Variants in CNTNAP4 observed in about 807,000 individuals in gnomAD.
CNTNAP4 encodes the protein contactin-associated protein-like 4.
CNTNAP4 carries 98 observed loss-of-function variants against 148.4 expected under a neutral mutation model. The observed-to-expected ratio is 0.66, with a 90% CI of 0.56 to 0.78. The LOEUF (loss-of-function observed/expected upper bound fraction) is 0.78, where lower values mean the gene tolerates loss of function less well. Among genes scored for constraint, CNTNAP4 ranks in the 30% least tolerant of loss-of-function variants. The pLI, the probability that CNTNAP4 is intolerant of heterozygous loss-of-function variation, is 0.00. For synonymous variants in CNTNAP4, 730 were observed against 565.1 expected, an observed-to-expected ratio of 1.29 and a Z score of -4.14; for missense variants, 1,935 against 1,565.6, an observed-to-expected ratio of 1.24 and a Z score of -3.98.
chr16:76,382,219 A>G (rs1403995079), intron 3 of CNTNAP4, among the ~76,000 whole-genome samples: 4 of 152,120 alleles, frequency 2.6e-5, no homozygotes, highest in African/African-American at 9.6e-5. Flanking sequence ...ATTGTATACA[A>G]AATTAAATAT....
intron 3 of CNTNAP4, among the ~76,000 whole-genome samples, chr16:76,418,728 GGT>G (rs1491368441): frequency 7.2e-5 from 4 of 55,858 alleles, no homozygotes; most frequent in Admixed American, 3.7e-4. Flanking sequence ...CAGAGTGTGG[GGT>G]TTTTTTTTTT....
At position 76,506,461 on chromosome 16, in the gene CNTNAP4, G is replaced by T. The variant is rs1480326231; in HGVS notation, c.2365+7767G>T. On this transcript the variant is annotated intron_variant, in intron 15 of 23. Coordinates refer to ENST00000611870, the MANE Select transcript of CNTNAP4 (RefSeq NM_033401.5). ...CCCTTCCCTTCTTCCCTCCCCTTCCGCTTCTCTTCCGTTCCTTTTTTTTTT... is the reference window on the plus strand; with the variant it reads ...CCCTTCCCTTCTTCCCTCCCCTTCCTCTTCTCTTCCGTTCCTTTTTTTTTT... Among the ~76,000 whole-genome samples, 11 of 47,848 alleles carry T rather than the reference G, an allele frequency of 2.3e-4. 3 individuals are homozygous for T. The highest frequency in any genetic ancestry group is 4.4e-4 in the Non-Finnish European group (7 of 16,082). 31.4% of individuals were successfully genotyped at this position (47,848 alleles called of 152,430 possible).
At chr16:76,527,219 T>C (rs1175624579) in intron 17 of CNTNAP4, among the ~76,000 whole-genome samples, 2 of 152,128 alleles carry the variant, frequency 1.3e-5, no homozygotes, top group Admixed American at 6.6e-5. Flanking sequence ...TGGGCTTCTT[T>C]GTTTATAGAT....
In CNTNAP4 at chr16:76,362,796, G is replaced by A. The variant is rs191488831; in HGVS notation, c.390+7285G>A. On this transcript the variant is annotated intron_variant, in intron 3 of 23. Transcript: ENST00000611870. ...GTGAGGATCAAAAAACTACCTGTGA[G>A]GTACTATGCTTATTACCTAGGTCAC... 1.4e-3 allele frequency among the ~76,000 whole-genome samples: 214 copies of A among 152,248 alleles called. 1 individual carries two copies. The highest frequency in any genetic ancestry group is 5.0e-3 in the African/African-American group (207 of 41,528).
intron 21 of CNTNAP4, among the ~76,000 whole-genome samples, chr16:76,548,674 A>G (rs1441780268): frequency 1.3e-5 from 2 of 151,996 alleles, no homozygotes; most frequent in African/African-American, 4.8e-5. Flanking sequence ...ACACCCAGAA[A>G]TCCGAGTCAG....
At chr16:76,299,478 T>G (rs946176954) in intron 1 of CNTNAP4, among the ~76,000 whole-genome samples, 11 of 152,054 alleles carry the variant, frequency 7.2e-5, no homozygotes, top group African/African-American at 2.2e-4. Context: ...TGGCGATCAT[T>G]AAAAAGTCAG....
intron 3 of CNTNAP4, among the ~76,000 whole-genome samples, chr16:76,413,444 C>T (rs940784173): frequency 1.3e-5 from 2 of 151,342 alleles, no homozygotes; most frequent in South Asian, 4.1e-4. Flanking sequence ...TAATAATCCA[C>T]TCTCCATACA....
At chr16:76,475,057 G>A (rs1303990269) in intron 10 of CNTNAP4, among the ~76,000 whole-genome samples, 2 of 152,098 alleles carry the variant, frequency 1.3e-5, no homozygotes, top group Admixed American at 6.6e-5. Context: ...CTACTCCAGA[G>A]GCTAAGGCAG....
At chr16:76,555,007 T>C (rs989020074) in intron 23 of CNTNAP4, among the ~76,000 whole-genome samples, 1 of 151,914 alleles carries the variant, frequency 6.6e-6, no homozygotes, top group Non-Finnish European at 1.5e-5. Flanking sequence ...GCACAAAAAC[T>C]TTAAAATTGT....
chr16:76,441,952 T>C (rs1309260047), intron 4 of CNTNAP4, among the ~76,000 whole-genome samples: 1 of 151,994 alleles, frequency 6.6e-6, no homozygotes, highest in Admixed American at 6.6e-5. Flanking sequence ...GACAAAGAGG[T>C]TAAGTAACTC....
rs138544885 is a variant in CNTNAP4, at chr16:76,530,864, G to A, written c.2756-4681G>A. On this transcript the variant is annotated intron_variant, in intron 17 of 23. Transcript: ENST00000611870. Reference sequence around the variant, plus strand: ...CCAACAGCACTATTTCTGCAAGGCAGAGTTTTCCACCAGGAAGCGAACAGG... The same window carrying A: ...CCAACAGCACTATTTCTGCAAGGCAAAGTTTTCCACCAGGAAGCGAACAGG... Among the ~76,000 whole-genome samples, 707 of 152,308 alleles carry A rather than the reference G, an allele frequency of 4.6e-3. 4 individuals are homozygous for A. The highest frequency in any genetic ancestry group is 0.017 in the African/African-American group (687 of 41,570).
At chr16:76,336,183 A>T (rs1475850722) in intron 2 of CNTNAP4, among the ~76,000 whole-genome samples, 28 of 152,166 alleles carry the variant, frequency 1.8e-4, no homozygotes, top group Non-Finnish European at 3.2e-4. Flanking sequence ...TAAAAATAGA[A>T]AATTAGATTG....
intron 3 of CNTNAP4, among the ~76,000 whole-genome samples, chr16:76,380,316 A>T (rs931622764): frequency 7.2e-5 from 11 of 152,228 alleles, no homozygotes; most frequent in African/African-American, 2.7e-4. Flanking sequence ...ATAGGCGTAT[A>T]GGACCAGGAT....
intron 15 of CNTNAP4, among the ~76,000 whole-genome samples, chr16:76,512,441 C>G (rs2135622): frequency 6.6e-6 from 1 of 152,060 alleles, no homozygotes; most frequent in African/African-American, 2.4e-5. Flanking sequence ...GTAAAATTTC[C>G]TGATGAATTG....
At chr16:76,359,241 T>C (rs1428134502) in intron 3 of CNTNAP4, among the ~76,000 whole-genome samples, 1 of 152,234 alleles carries the variant, frequency 6.6e-6, no homozygotes, top group Non-Finnish European at 1.5e-5. Context: ...ATACAAAATA[T>C]GCCAATTTCC....
At chr16:76,475,702 T>TA (rs1293372490) in intron 10 of CNTNAP4, among the ~76,000 whole-genome samples, 1 of 152,236 alleles carries the variant, frequency 6.6e-6, no homozygotes, top group Non-Finnish European at 1.5e-5. Flanking sequence ...AGGGCTCTGA[T>TA]GTAGTGGGAC....
intron 15 of CNTNAP4, among the ~76,000 whole-genome samples, chr16:76,512,023 C>G (rs1246136545): frequency 6.6e-6 from 1 of 151,984 alleles, no homozygotes; most frequent in African/African-American, 2.4e-5. Flanking sequence ...GAATGCAAGG[C>G]ACATGTCTAC....
intron 15 of CNTNAP4, among the ~76,000 whole-genome samples, chr16:76,513,125 C>A (rs185649914): frequency 6.6e-6 from 1 of 152,166 alleles, no homozygotes; most frequent in East Asian, 1.9e-4. Context: ...TAAGAGAGAT[C>A]CAGTAAATAA....
At chr16:76,288,268 C>G (rs1250527873) in intron 1 of CNTNAP4, among the ~76,000 whole-genome samples, 1 of 152,080 alleles carries the variant, frequency 6.6e-6, no homozygotes, top group Non-Finnish European at 1.5e-5. Context: ...TTCCTGAGGC[C>G]TCTCTAGCCA....
Sources: allele counts gnomAD v4.1 joint callset (sites outside exome capture counted in the v4.1 genomes callset), GRCh38; gene constraint gnomAD v4.1.1; transcripts MANE v1.5; gene names NCBI Gene and HGNC (gene_info 2026-07-23, HGNC 2026-07-21).